Variants in ADGRV1 observed in about 807,000 individuals in gnomAD.
ADGRV1 encodes adhesion G protein-coupled receptor V1.
ADGRV1 carries 359 observed loss-of-function variants against 596.2 expected under a neutral mutation model. The ratio of observed to expected loss-of-function variants is 0.60; its 90% CI spans 0.55 to 0.66. The LOEUF is 0.66. ADGRV1 is among the 30% of genes least tolerant of loss of function. The pLI is 0.00. For synonymous variants in ADGRV1, 2,681 were observed against 2,679.2 expected, an observed-to-expected ratio of 1.00 and a Z score of -0.02; for missense variants, 7,274 against 7,575.6, an observed-to-expected ratio of 0.96 and a Z score of 1.48.
chr5:90,606,493 G>A (rs916876244), intron 1 of ADGRV1, among the ~76,000 whole-genome samples: 30 of 152,084 alleles, frequency 2.0e-4, no homozygotes, highest in African/African-American at 7.2e-4. Flanking sequence ...TGCAAATAGC[G>A]ACAACTACAA....
At chr5:91,080,201 T>C (rs1789221414) in intron 86 of ADGRV1, among the ~76,000 whole-genome samples, 1 of 152,204 alleles carries the variant, frequency 6.6e-6, no homozygotes, top group Non-Finnish European at 1.5e-5. Flanking sequence ...TCATTTCAAG[T>C]TATCTCTTCT....
chr5:91,091,489 ACTGT>A (rs1223355698), intron 86 of ADGRV1: 4 of 151,910 alleles, frequency 2.6e-5, no homozygotes, highest in African/African-American at 9.7e-5. Flanking sequence ...AGAATCAGAA[ACTGT>A]CTTTTTTAAT....
At chr5:90,877,947 A>G (rs755900510) in intron 83 of ADGRV1, among the ~76,000 whole-genome samples, 1 of 152,204 alleles carries the variant, frequency 6.6e-6, no homozygotes, top group Non-Finnish European at 1.5e-5. Flanking sequence ...AATCGTGTGT[A>G]TAGTTTCTGT....
rs138210294 is a variant in ADGRV1 at position 91,024,059 on chromosome 5, G to A, written c.18152+38537G>A. Among the ~76,000 whole-genome samples the A allele has an allele frequency of 3.0e-3, 452 of 152,206 alleles. 3 individuals are homozygous for A. Among genetic ancestry groups the A allele is most frequent in the African/African-American group, 0.01 (417 of 41,544 alleles). On this transcript the variant is annotated intron_variant, in intron 85 of 89. Transcript: ENST00000405460. ...AACCAATTTCTGCACCTAGGGCCTC[G>A]GGGCCAAGCATGAGTAGGTTCTGAA...
Position 90,870,459 on chromosome 5 carries a change from C to T in ADGRV1, c.17856+6602C>T, listed in dbSNP as rs1251975889. On this transcript the variant is annotated intron_variant, in intron 83 of 89. Coordinates refer to ENST00000405460, the MANE Select transcript of ADGRV1 (RefSeq NM_032119.4). ...CTATGTGGAATGAGAAGGATCACTA[C>T]AAGAGGATTGGAAAATGTTAAAGTT... Among the ~76,000 whole-genome samples, 3 of 152,078 alleles carry T rather than the reference C, an allele frequency of 2.0e-5. No homozygotes were observed. In the East Asian group the frequency reaches 5.8e-4, roughly 29 times the overall value.
chr5:90,987,328 G>A (rs1229860450), intron 85 of ADGRV1, among the ~76,000 whole-genome samples: 1 of 152,028 alleles, frequency 6.6e-6, no homozygotes, highest in Non-Finnish European at 1.5e-5. Flanking sequence ...GAATTAGCCA[G>A]GCGTGGTGGC....
At chr5:90,921,916 G>C (rs897545274) in intron 83 of ADGRV1, among the ~76,000 whole-genome samples, 6 of 151,656 alleles carry the variant, frequency 4.0e-5, no homozygotes, top group Non-Finnish European at 7.4e-5. Context: ...TCCAGCCTGT[G>C]GGAGAGAGGA....
chr5:90,654,922 A>G (rs1769181801), intron 20 of ADGRV1: 1 of 152,138 alleles, frequency 6.6e-6, no homozygotes, highest in African/African-American at 2.4e-5. Context: ...GAGAATGGAA[A>G]CGATTGGGGG....
chr5:90,943,620 A>G (rs1245833467), intron 83 of ADGRV1, among the ~76,000 whole-genome samples: 1 of 152,154 alleles, frequency 6.6e-6, no homozygotes. Context: ...GGGTGGTTAC[A>G]TGTCCAAATT....
chr5:91,116,931 A>G (rs1792898222), intron 87 of ADGRV1, among the ~76,000 whole-genome samples: 1 of 152,210 alleles, frequency 6.6e-6, no homozygotes, highest in Non-Finnish European at 1.5e-5. Flanking sequence ...AAGAATTTTC[A>G]GGAAGTTTTG....
chr5:90,786,093 C>T (rs1275859747), intron 67 of ADGRV1, among the ~76,000 whole-genome samples: 2 of 152,138 alleles, frequency 1.3e-5, no homozygotes, highest in African/African-American at 4.8e-5. Flanking sequence ...AGTTCATGTC[C>T]TTTGCAGGGA....
At position 91,153,360 on chromosome 5, in the gene ADGRV1, C is replaced by T. The variant is rs776016062; in HGVS notation, c.18764C>T (p.Ser6255Phe). The T allele has an allele frequency of 1.2e-6, 2 of 1,609,800 alleles. No individual in the cohort carries two copies. The highest frequency in any genetic ancestry group is 2.7e-5 in the African/African-American group (2 of 74,722). The change falls in exon 89 of 90, where the codon TCC becomes TTC. Residue 6255 changes from serine to phenylalanine, a missense_variant. By Grantham distance (155) the Ser-to-Phe change is radical (BLOSUM62 -2). Transcript: ENST00000405460. ...GQGSLIADEE[S>F]QEFDDLIFAL... Reference sequence around the variant, plus strand: ...GGGTCACTGATAGCCGATGAGGAGTCCCAGGAGTTTGATGATTTAATATTT... The same window carrying T: ...GGGTCACTGATAGCCGATGAGGAGTTCCAGGAGTTTGATGATTTAATATTT...
intron 84 of ADGRV1, among the ~76,000 whole-genome samples, chr5:90,974,465 T>G (rs113938105): frequency 0.5 from 76,135 of 151,926 alleles, 20,674 homozygotes; most frequent in African/African-American, 0.71. Flanking sequence ...CAAGGCTACA[T>G]TAACCAAAAC....
At position 90,693,920 on chromosome 5, in the gene ADGRV1, C is replaced by T; in HGVS notation, c.7164C>T (p.Phe2388=). 6.3e-7 allele frequency: 1 copy of T among 1,583,434 alleles called. No individual in the cohort carries two copies. Among genetic ancestry groups the T allele is most frequent in the Non-Finnish European group, 8.6e-7 (1 of 1,162,308 alleles). Residue 2388 remains phenylalanine (F), a synonymous_variant, in exon 33 of 90, where the codon TTC becomes TTT. Transcript: ENST00000405460. ...GGCACTTTGGTCGGCTGTTGTTGTT[C>T]TACAGTACTTCCGACATTGATGTAG... The part of the protein sequence containing the change: ...SGGHFGRLLL[F]YSTSDIDVVA...
chr5:91,092,184 T>G (rs1449535092), intron 86 of ADGRV1, among the ~76,000 whole-genome samples: 6 of 152,192 alleles, frequency 3.9e-5, no homozygotes, highest in Non-Finnish European at 8.8e-5. Context: ...CACTGCAACC[T>G]CTGCCTCCCA....
chr5:91,160,287 A>C (rs1402427608), intron 89 of ADGRV1, among the ~76,000 whole-genome samples: 1 of 152,228 alleles, frequency 6.6e-6, no homozygotes, highest in Non-Finnish European at 1.5e-5. Flanking sequence ...TAACTTCAAG[A>C]ACTTATGCAG....
chr5:91,028,778 G>A (rs73187144), intron 85 of ADGRV1, among the ~76,000 whole-genome samples: 9,098 of 121,728 alleles, frequency 0.075, 387 homozygotes, highest in East Asian at 0.21. Flanking sequence ...TTGTTCTGTC[G>A]CCAAGGCTGG....
At chr5:90,686,038 A>G (rs1477057880) in intron 29 of ADGRV1, 43 bp downstream of exon 29, 1 of 1,304,710 alleles carries the variant, frequency 7.7e-7, no homozygotes, top group East Asian at 2.6e-5. Context: ...AGAGGGATGT[A>G]AGCACAGAGG....
rs374565782 is a variant in ADGRV1, at chr5:90,778,391, A to G, written c.12667-36A>G. On this transcript the variant is annotated intron_variant, in intron 62 of 89. Transcript: ENST00000405460. ...TTAGGAGTTTTTCTTGAAATTCCAC[A>G]GATTCTACTGTTGATGACTCTTTGT... 4 of 1,577,934 alleles carry G rather than the reference A, an allele frequency of 2.5e-6. No individual in the cohort carries two copies. In the African/African-American group the frequency reaches 5.4e-5, roughly 21 times the overall value.
Sources: gnomAD v4.1 joint callset for allele counts (sites outside exome capture counted in the v4.1 genomes callset) on GRCh38, gnomAD v4.1.1 for gene constraint, MANE v1.5 for transcripts, NCBI Gene and HGNC (gene_info 2026-07-23, HGNC 2026-07-21) for gene names.